The following FGD4 variants were observed in gnomAD, a reference collection of about 807,000 sequenced individuals.
The protein encoded by FGD4 is FYVE, RhoGEF and PH domain containing 4.
A neutral mutation model predicts 102.0 loss-of-function variants in FGD4; 42 were observed. The ratio of observed to expected loss-of-function variants is 0.41; its 90% confidence interval spans 0.32 to 0.53. FGD4 has a LOEUF of 0.53. Ranked by LOEUF, FGD4 falls within the 20% of genes least tolerant of loss-of-function variation. The pLI is 0.21. For synonymous variants in FGD4, 380 were observed against 375.7 expected, an observed-to-expected ratio of 1.01 and a Z score of -0.13; for missense variants, 902 against 1,078.2, an observed-to-expected ratio of 0.84 and a Z score of 2.29.
intron 1 of FGD4, chr12:32,485,713 G>A (rs544454481): frequency 2.8e-6 from 1 of 362,556 alleles, no homozygotes; most frequent in East Asian, 1.7e-4. Flanking sequence ...CAGAGTGCTG[G>A]GATTACAAGT....
At chr12:32,473,065 C>T (rs184212625) in intron 1 of FGD4, among the ~76,000 whole-genome samples, 39 of 151,640 alleles carry the variant, frequency 2.6e-4, no homozygotes, top group African/African-American at 8.9e-4. Flanking sequence ...ACCTGTGTGT[C>T]CAAACTCTGT....
intron 1 of FGD4, among the ~76,000 whole-genome samples, chr12:32,436,121 C>T (rs764268586): frequency 1.3e-5 from 2 of 152,088 alleles, no homozygotes; most frequent in African/African-American, 2.4e-5. Context: ...CACTGGACAC[C>T]GTGATGTACA....
intron 2 of FGD4, among the ~76,000 whole-genome samples, chr12:32,565,295 T>C (rs2136293568): frequency 6.6e-6 from 1 of 152,286 alleles, no homozygotes; most frequent in East Asian, 1.9e-4. Flanking sequence ...TACAATTATA[T>C]TTGTGGTGGT....
rs2136649092 is a variant in FGD4 at position 32,506,631 on chromosome 12, T to A, written c.167-57506T>A. On this transcript the variant is annotated intron_variant, in intron 1 of 16. Coordinates refer to ENST00000534526, the MANE Select transcript of FGD4 (RefSeq NM_001370298.3). This position sits in a 1 kb window ranked among gnomAD's most constrained non-coding sequence, Gnocchi z 4.5. ...CTCCCTGCACCAACCCACAGGCACCTCCTTGCCCAGGACCACCCCACCCCC... is the reference window on the plus strand; with the variant it reads ...CTCCCTGCACCAACCCACAGGCACCACCTTGCCCAGGACCACCCCACCCCC... 1.3e-5 allele frequency among the ~76,000 whole-genome samples: 2 copies of A among 152,302 alleles called. No individual in the cohort carries two copies. The highest frequency in any genetic ancestry group is 3.9e-4 in the East Asian group (2 of 5,186).
intron 1 of FGD4, among the ~76,000 whole-genome samples, chr12:32,411,457 C>T (rs903138708): frequency 1.2e-4 from 18 of 151,786 alleles, no homozygotes; most frequent in Non-Finnish European, 2.1e-4. Context: ...TTGCTTGAAC[C>T]CGAGAGGCAG....
intron 1 of FGD4, among the ~76,000 whole-genome samples, chr12:32,447,662 G>C (rs769669228): frequency 2.6e-5 from 4 of 152,156 alleles, no homozygotes; most frequent in Admixed American, 2.6e-4. Flanking sequence ...ATCCAAATTC[G>C]CTCAGTGACA....
chr12:32,566,924 G>C (rs901343671), intron 2 of FGD4, among the ~76,000 whole-genome samples: 2 of 152,194 alleles, frequency 1.3e-5, no homozygotes, highest in African/African-American at 2.4e-5. Context: ...AGTCAGGCTG[G>C]CAGGAGCAGG....
chr12:32,529,836 C>G (rs2036266), intron 1 of FGD4, among the ~76,000 whole-genome samples: 27,128 of 139,468 alleles, frequency 0.19, 3,035 homozygotes, highest in Middle Eastern at 0.41. Context: ...GAGTGAGACT[C>G]TGTCTAAAAA....
chr12:32,499,836 C>T (rs940072792), intron 1 of FGD4, among the ~76,000 whole-genome samples: 1 of 152,078 alleles, frequency 6.6e-6, no homozygotes, highest in East Asian at 1.9e-4. Context: ...GCCAGCATGG[C>T]GAAACTCCGT....
chr12:32,585,068 A>G (rs549524175), intron 4 of FGD4, among the ~76,000 whole-genome samples: 46 of 151,640 alleles, frequency 3.0e-4, no homozygotes, highest in African/African-American at 1.1e-3. Flanking sequence ...TAAAAATACA[A>G]AAAATTAGCT....
chr12:32,551,788 T>C lies in FGD4; in HGVS notation c.167-12349T>C, dbSNP rs1377344486. The stretch of plus-strand genomic sequence containing the variant: ...TTTCAGGCCTATCTGCACAGTAATA[T>C]GCGTGGAGTTCTTCATGATGTATTC... On this transcript the variant is annotated intron_variant, in intron 1 of 16. Transcript: ENST00000534526. Among the ~76,000 whole-genome samples the C allele has an allele frequency of 2.6e-5, 4 of 152,192 alleles. No homozygotes were observed. In the South Asian group the frequency reaches 8.3e-4, roughly 31 times the overall value.
At chr12:32,470,357 T>C (rs1387228366) in intron 1 of FGD4, among the ~76,000 whole-genome samples, 1 of 152,160 alleles carries the variant, frequency 6.6e-6, no homozygotes, top group Non-Finnish European at 1.5e-5. Context: ...TACAAGTTTT[T>C]GCTGGAAGTA....
At chr12:32,636,782 A>G (rs1950846358) in intron 15 of FGD4, among the ~76,000 whole-genome samples, 1 of 152,154 alleles carries the variant, frequency 6.6e-6, no homozygotes, top group African/African-American at 2.4e-5. Context: ...GGAGACAGAA[A>G]ATAGAAGCAA....
At chr12:32,568,861 ATTAC>A (rs1489706845) in intron 2 of FGD4, among the ~76,000 whole-genome samples, 1 of 152,204 alleles carries the variant, frequency 6.6e-6, no homozygotes, top group Non-Finnish European at 1.5e-5. Context: ...ATTCTAGATA[ATTAC>A]TTTGAATGAT....
chr12:32,562,904 G>C (rs540106857), intron 1 of FGD4, among the ~76,000 whole-genome samples: 1 of 126,558 alleles, frequency 7.9e-6, no homozygotes, highest in Non-Finnish European at 1.9e-5. Context: ...TTGTCATCCC[G>C]GCCCGTTCTC....
At chr12:32,500,213 C>T (rs186464639) in intron 1 of FGD4, among the ~76,000 whole-genome samples, 1 of 151,864 alleles carries the variant, frequency 6.6e-6, no homozygotes, top group Non-Finnish European at 1.5e-5. Flanking sequence ...TGAATCTCAG[C>T]TCTATACCTA....
intron 1 of FGD4, among the ~76,000 whole-genome samples, chr12:32,432,481 T>C (rs554751500): frequency 2.0e-5 from 3 of 151,838 alleles, no homozygotes; most frequent in African/African-American, 7.2e-5. Flanking sequence ...CTGGGCATGA[T>C]GGCACACTCC....
chr12:32,416,534 CACATAAAACACA>C (rs1362187716), intron 1 of FGD4, among the ~76,000 whole-genome samples: 1 of 152,022 alleles, frequency 6.6e-6, no homozygotes, highest in Non-Finnish European at 1.5e-5. Context: ...ACAATGGACA[CACATAAAACACA>C]ACAATTAGTA....
At chr12:32,562,558 G>A (rs935935724) in intron 1 of FGD4, among the ~76,000 whole-genome samples, 22 of 152,092 alleles carry the variant, frequency 1.4e-4, no homozygotes, top group African/African-American at 4.8e-4. Context: ...AGGACCCTGC[G>A]GCCTTCCGCA....
Sources: allele counts gnomAD v4.1 joint callset (sites outside exome capture counted in the v4.1 genomes callset), GRCh38; gene constraint gnomAD v4.1.1; non-coding constraint Gnocchi (gnomAD v3.1); transcripts MANE v1.5; gene names NCBI Gene and HGNC (gene_info 2026-07-23, HGNC 2026-07-21).